SPAG4: variants seen among roughly 807,000 people sequenced by gnomAD.
SPAG4 encodes sperm-associated antigen 4 protein.
Under a neutral mutation model 53.9 loss-of-function variants are expected in SPAG4, and 54 were observed. The observed-to-expected ratio is 1.00, with a 90% CI of 0.80 to 1.26. The LOEUF (loss-of-function observed/expected upper bound fraction) is 1.26, where lower values mean the gene tolerates loss of function less well. SPAG4 is among the 50% of genes most tolerant of loss of function. The pLI, the probability that SPAG4 is intolerant of heterozygous loss-of-function variation, is 0.00. For missense variants in SPAG4, 548 were observed against 568.6 expected (o/e 0.96, Z 0.37); for synonymous variants, 246 against 237.4 (o/e 1.04, Z -0.33).
rs138509176 is a variant in SPAG4 at position 35,616,014 on chromosome 20, G to A, written c.11G>A (p.Ser4Asn). The change falls in exon 1 of 12, where the codon AGC becomes AAC. Residue 4 changes from serine (S) to asparagine (N), a missense_variant. Transcript: ENST00000374273. ...CAGCAGGGGGTCAGGATGCGGCGAAGCTCCCGCCCGGGCTCGGCCTCGTCC... is the reference window on the plus strand; with the variant it reads ...CAGCAGGGGGTCAGGATGCGGCGAAACTCCCGCCCGGGCTCGGCCTCGTCC... MRR[S>N]SRPGSASSSR... 1.9e-4 allele frequency: 307 copies of A among 1,611,608 alleles called. No homozygotes were observed. In the African/African-American group the frequency reaches 3.6e-3, roughly 19 times the overall value.
chr20:35,616,381 G>T, intron 1 of SPAG4, 74 bp downstream of exon 1: 2 of 1,423,712 alleles, frequency 1.4e-6, no homozygotes, highest in Non-Finnish European at 1.8e-6. Context: ...GCGGGGACGG[G>T]GCTAAGATGA....
intron 1 of SPAG4, 27 bp downstream of exon 1, chr20:35,616,334 G>T (rs191959201): frequency 0.019 from 27,526 of 1,445,152 alleles, 283 homozygotes; most frequent in Middle Eastern, 0.023. Flanking sequence ...CCCCGGGTGA[G>T]CCAGTGGAGG....
intron 1 of SPAG4, 68 bp downstream of exon 1, chr20:35,616,375 G>A: frequency 7.0e-7 from 1 of 1,428,316 alleles, no homozygotes. Context: ...TGCTGGGCGG[G>A]GACGGGGCTA....
At position 35,619,644 on chromosome 20, in the gene SPAG4, GC is replaced by G; in HGVS notation, c.977del (p.Pro326ArgfsTer6). ...GDQGQVVIQL[P>X]GRVQLSDITL... ...ACCAAGGCCAGGTGGTGATCCAACTGCCGGGCCGAGTGCAGCTGAGCGACAT... is the reference window on the plus strand; with the variant it reads ...ACCAAGGCCAGGTGGTGATCCAACTGCGGGCCGAGTGCAGCTGAGCGACAT... On this transcript the variant is annotated frameshift_variant, in exon 10 of 12. Coordinates refer to ENST00000374273, the MANE Select transcript of SPAG4 (RefSeq NM_003116.3). LOFTEE classifies it high-confidence loss of function. The G allele has an allele frequency of 1.2e-6, 2 of 1,614,060 alleles. No homozygotes were observed. Among genetic ancestry groups the G allele is most frequent in the Non-Finnish European group, 1.7e-6 (2 of 1,180,018 alleles).
rs776916411 is a variant in SPAG4 at position 35,616,252 on chromosome 20, G to C, written c.249G>C (p.Arg83=). The C allele has an allele frequency of 9.4e-5, 143 of 1,517,500 alleles. No individual in the cohort carries two copies. Among genetic ancestry groups the C allele is most frequent in the Non-Finnish European group, 1.2e-4 (140 of 1,136,772 alleles). The allele number at this position is 1,517,500 out of a possible 1,614,324, so 94.0% of individuals were successfully genotyped here. A position where few individuals can be genotyped will look rare whatever the true frequency, so the allele number is the denominator to read the frequency against. ...AGSSQQKPAP[R]SHNWQTACGA... is the part of the protein sequence containing the mutation. ...GCTCTCAGCAGAAGCCAGCGCCTCG[G>C]AGCCACAACTGGCAGACAGCCTGTG... Residue 83 remains arginine, a synonymous_variant, in exon 1 of 12, where the codon CGG becomes CGC. Transcript: ENST00000374273.
At chr20:35,616,576 G>GT (rs1568897924) in intron 1 of SPAG4, among the ~76,000 whole-genome samples, 1 of 152,010 alleles carries the variant, frequency 6.6e-6, no homozygotes, top group African/African-American at 2.4e-5. Flanking sequence ...AGGACAATTG[G>GT]GTTCCACCAA....
chr20:35,620,923 C>A lies in SPAG4; in HGVS notation c.1215C>A (p.Ser405Arg). ...AFPKVKIQIL[S>R]NWGHPRFTCL... Reference sequence around the variant, plus strand: ...CCAAGGTGAAGATCCAGATTCTAAGCAACTGGGGCCACCCCCGTTTCACGT... The same window carrying A: ...CCAAGGTGAAGATCCAGATTCTAAGAAACTGGGGCCACCCCCGTTTCACGT... The change falls in exon 12 of 12, where the codon AGC becomes AGA. Residue 405 changes from serine to arginine, a missense_variant. By Grantham distance (110) the Ser-to-Arg change is moderately radical. Coordinates refer to ENST00000374273, the MANE Select transcript of SPAG4 (RefSeq NM_003116.3). The A allele has an allele frequency of 6.2e-7, 1 of 1,614,244 alleles. No homozygotes were observed. Among genetic ancestry groups the A allele is most frequent in the Non-Finnish European group, 8.5e-7 (1 of 1,180,042 alleles).
intron 7 of SPAG4, 47 bp downstream of exon 7, chr20:35,618,767 A>G: frequency 3.4e-6 from 5 of 1,479,494 alleles, no homozygotes; most frequent in Non-Finnish European, 4.6e-6. Context: ...CCCTGCTCCC[A>G]GGGTCCTGAG....
intron 8 of SPAG4, 83 bp from the exon 9 acceptor site, chr20:35,619,112 A>ACCCCCCCC: frequency 1.2e-6 from 1 of 821,978 alleles, no homozygotes; most frequent in Non-Finnish European, 1.9e-6. Flanking sequence ...GACAGCCCCC[A>ACCCCCCCC]CCCGCCCCCA....
Position 35,615,938 on chromosome 20 carries a change from G to A in SPAG4, c.-66G>A, listed in dbSNP as rs1158098192. On this transcript the variant is annotated 5_prime_UTR_variant, in exon 1 of 12. Transcript: ENST00000374273. ...CCCGCGGCGCGCAGCGGCTGAAGGAGGCCCCAGGGCCTTGGCGACCGCAGC... is the reference window on the plus strand; with the variant it reads ...CCCGCGGCGCGCAGCGGCTGAAGGAAGCCCCAGGGCCTTGGCGACCGCAGC... The A allele has an allele frequency of 6.6e-7, 1 of 1,514,276 alleles. No homozygotes were observed. Among genetic ancestry groups the A allele is most frequent in the Non-Finnish European group, 8.9e-7 (1 of 1,119,740 alleles). The allele number at this position is 1,514,276 out of a possible 1,614,324, so 93.8% of individuals were successfully genotyped here.
intron 2 of SPAG4, 42 bp downstream of exon 2, chr20:35,617,282 T>A (rs761349957): frequency 2.8e-6 from 4 of 1,407,592 alleles, no homozygotes; most frequent in Non-Finnish European, 3.9e-6. Context: ...ACCCTCGGGT[T>A]CCCCTCTCCG....
At position 35,617,795 on chromosome 20, in the gene SPAG4, C is replaced by T; in HGVS notation, c.493C>T (p.Arg165Cys). The T allele has an allele frequency of 1.2e-6, 2 of 1,613,990 alleles. No homozygotes were observed. Among genetic ancestry groups the T allele is most frequent in the Middle Eastern group, 3.3e-4 (2 of 6,060 alleles). The change falls in exon 4 of 12, where the codon CGC (arginine) becomes TGC (cysteine). Residue 165 changes from arginine (R) to cysteine (C), a missense_variant. Physicochemically the swap from Arg to Cys is radical, Grantham distance 180. Transcript: ENST00000374273. ...VSMYREVCSI[R>C]FLFTAVSLLS... ...GTTCCCCAGGGAGGTCTGTTCCATC[C>T]GCTTCCTGTTCACGGCTGTGTCGCT...
rs2031406773 is a variant in SPAG4, at chr20:35,616,967, G to C, written c.305-169G>C. The stretch of plus-strand genomic sequence containing the variant: ...CTTGACGGAGCCTCCCTGAGGGGCG[G>C]GGCTTCAGAGGGCGGAGCTGGAGCC... On this transcript the variant is annotated intron_variant, in intron 1 of 11. Transcript: ENST00000374273. 5.0e-6 allele frequency: 3 copies of C among 600,648 alleles called. No homozygotes were observed. The East Asian group carries it at 8.4e-5, about 17-fold the overall frequency. 37.2% of individuals were successfully genotyped at this position (600,648 alleles called of 1,614,324 possible). A position where few individuals can be genotyped will look rare whatever the true frequency, so the allele number is the denominator to read the frequency against.
At position 35,618,309 on chromosome 20, in the gene SPAG4, C is replaced by T. The variant is rs148280400; in HGVS notation, c.583-141C>T. ...ATTGTGCTTGAGGGTCTCTTGGGGGCTCTGATACTGGGAGGTCAAGGAGGA... is the reference window on the plus strand; with the variant it reads ...ATTGTGCTTGAGGGTCTCTTGGGGGTTCTGATACTGGGAGGTCAAGGAGGA... On this transcript the variant is annotated intron_variant, in intron 5 of 11. Transcript: ENST00000374273. 117 of 1,146,596 alleles carry T rather than the reference C, an allele frequency of 1.0e-4. No homozygotes were observed. The Admixed American group carries it at 1.9e-3, about 18-fold the overall frequency. The allele number at this position is 1,146,596 out of a possible 1,614,324, so 71.0% of individuals were successfully genotyped here. A position where few individuals can be genotyped will look rare whatever the true frequency, so the allele number is the denominator to read the frequency against.
intron 1 of SPAG4, 99 bp from the exon 2 acceptor site, chr20:35,617,037 G>T: frequency 2.6e-6 from 2 of 765,478 alleles, no homozygotes; most frequent in South Asian, 3.1e-5. Flanking sequence ...AGACTTCCCA[G>T]CTGTCTGGCT....
rs1226121327 is a variant in SPAG4 at position 35,616,069 on chromosome 20, C to T, written c.66C>T (p.Ser22=). Residue 22 remains serine, a synonymous_variant, in exon 1 of 12, where the codon AGC becomes AGT. Transcript: ENST00000374273. ...SSRKHTPNFF[S]ENSSMSITSE... ...GCAAGCACACGCCCAACTTTTTCAG[C>T]GAGAACAGCTCAATGAGCATCACCT... The T allele has an allele frequency of 1.9e-6, 3 of 1,612,744 alleles. No homozygotes were observed. Among genetic ancestry groups the T allele is most frequent in the African/African-American group, 2.7e-5 (2 of 74,916 alleles).
At position 35,619,214 on chromosome 20, in the gene SPAG4, G is replaced by A. The variant is rs748362614; in HGVS notation, c.813G>A (p.Gln271=). ...LSSVGASIDL[Q]KTSHDYADRN... is the part of the protein sequence containing the mutation. The stretch of plus-strand genomic sequence containing the variant: ...TTCCAGGAGCCTCCATCGACCTGCA[G>A]AAGACATCCCACGATTACGCAGACA... Residue 271 remains glutamine (Q), a synonymous_variant, in exon 9 of 12, where the codon CAG becomes CAA. Coordinates refer to ENST00000374273, the MANE Select transcript of SPAG4 (RefSeq NM_003116.3). 6 of 1,612,820 alleles carry A rather than the reference G, an allele frequency of 3.7e-6. No individual in the cohort carries two copies. In the East Asian group the frequency reaches 1.3e-4, roughly 36 times the overall value.
chr20:35,619,150 C>CG, intron 8 of SPAG4, 45 bp from the exon 9 acceptor site: 2 of 1,417,460 alleles, frequency 1.4e-6, no homozygotes, highest in South Asian at 1.2e-5. Context: ...CCCCGACTCC[C>CG]GGCAAGGCCT....
At chr20:35,620,426 T>C (rs1297147138) in intron 10 of SPAG4, among the ~76,000 whole-genome samples, 1 of 152,114 alleles carries the variant, frequency 6.6e-6, no homozygotes, top group Non-Finnish European at 1.5e-5. Context: ...AGGTGGAGCT[T>C]GCAGTGAGCC....
Sources: allele counts gnomAD v4.1 joint callset (sites outside exome capture counted in the v4.1 genomes callset), GRCh38; gene constraint gnomAD v4.1.1; transcripts MANE v1.5; gene names NCBI Gene and HGNC (gene_info 2026-07-23, HGNC 2026-07-21).